Variants in ENTREP2 observed in about 807,000 individuals in gnomAD.
ENTREP2 encodes protein ENTREP2.
the ENTREP2 span, among the ~76,000 whole-genome samples, chr15:29,307,982 G>T: frequency 6.6e-6 from 1 of 152,128 alleles, no homozygotes; most frequent in Non-Finnish European, 1.5e-5. Flanking sequence ...TTTTAGAAGA[G>T]AAACAATATG....
chr15:29,451,683 C>T, the ENTREP2 span, among the ~76,000 whole-genome samples: 1 of 152,152 alleles, frequency 6.6e-6, no homozygotes, highest in African/African-American at 2.4e-5. Flanking sequence ...CTGCAGGCAG[C>T]GAAGCCCCCT....
At chr15:29,487,556 A>C in the ENTREP2 span, among the ~76,000 whole-genome samples, 2 of 152,224 alleles carry the variant, frequency 1.3e-5, no homozygotes, top group Non-Finnish European at 2.9e-5. Context: ...CTAAACAGAG[A>C]CTTCAGAGAC....
the ENTREP2 span, chr15:29,570,715 C>A: frequency 7.6e-6 from 8 of 1,050,540 alleles, no homozygotes; most frequent in Non-Finnish European, 6.9e-6. Flanking sequence ...GGCCGCCGGC[C>A]GGAGGCATCG....
At chr15:29,269,866 G>GGCGGTGCGCCTGC in the ENTREP2 span, 9 of 690,434 alleles carry the variant, frequency 1.3e-5, no homozygotes, top group African/African-American at 3.8e-5. Flanking sequence ...AGGGCGGCTG[G>GGCGGTGCGCCTGC]GCGGTGCGCC....
chr15:29,279,934 C>T, the ENTREP2 span, among the ~76,000 whole-genome samples: 3 of 150,890 alleles, frequency 2.0e-5, no homozygotes, highest in Non-Finnish European at 2.9e-5. Flanking sequence ...TTCTTTTGCT[C>T]GCCTGGAAAA....
chr15:29,668,124 C>T, the ENTREP2 span, among the ~76,000 whole-genome samples: 2 of 152,150 alleles, frequency 1.3e-5, no homozygotes, highest in Non-Finnish European at 2.9e-5. Flanking sequence ...GCCAATCAAT[C>T]GTGGAAGAAA....
the ENTREP2 span, among the ~76,000 whole-genome samples, chr15:29,330,560 C>T: frequency 5.9e-4 from 90 of 152,276 alleles, no homozygotes; most frequent in African/African-American, 1.9e-3. Context: ...CCCTACGTAA[C>T]ACTGACCAGT....
the ENTREP2 span, among the ~76,000 whole-genome samples, chr15:29,242,846 C>T: frequency 6.6e-6 from 1 of 152,306 alleles, no homozygotes; most frequent in Non-Finnish European, 1.5e-5. Context: ...GATGTCCCAC[C>T]GACTCTGGAA....
the ENTREP2 span, among the ~76,000 whole-genome samples, chr15:29,232,097 T>G: frequency 0.35 from 53,723 of 151,508 alleles, 10,329 homozygotes; most frequent in East Asian, 0.6. Context: ...CGCCATGTTG[T>G]CCAGGCTGGT....
chr15:29,203,124 C>T, the ENTREP2 span, among the ~76,000 whole-genome samples: 2 of 152,292 alleles, frequency 1.3e-5, no homozygotes, highest in Admixed American at 1.3e-4. Context: ...GTTCCTAGGC[C>T]GGGCACGGTG....
At chr15:29,210,562 G>A in the ENTREP2 span, among the ~76,000 whole-genome samples, 7 of 152,262 alleles carry the variant, frequency 4.6e-5, no homozygotes, top group East Asian at 9.6e-4. Context: ...TAGGTTGCAC[G>A]CTCCTTATAA....
chr15:29,530,453 A>C, the ENTREP2 span, among the ~76,000 whole-genome samples: 1 of 152,202 alleles, frequency 6.6e-6, no homozygotes, highest in African/African-American at 2.4e-5. Context: ...TTTAACCTCC[A>C]GGAGTTTTCT....
the ENTREP2 span, among the ~76,000 whole-genome samples, chr15:29,549,166 A>G: frequency 6.6e-6 from 1 of 151,986 alleles, no homozygotes; most frequent in Non-Finnish European, 1.5e-5. Flanking sequence ...CTTTTAGACC[A>G]CGTTGCAGCC....
chr15:29,648,111 C>T, the ENTREP2 span, among the ~76,000 whole-genome samples: 20 of 152,136 alleles, frequency 1.3e-4, no homozygotes, highest in Admixed American at 7.2e-4. Flanking sequence ...ATTTACCTTA[C>T]GCCCATTTGG....
chr15:29,166,906 C>T, the ENTREP2 span, among the ~76,000 whole-genome samples: 1 of 152,178 alleles, frequency 6.6e-6, no homozygotes, highest in Non-Finnish European at 1.5e-5. Context: ...CATCGCACTA[C>T]CTGATTTCAA....
the ENTREP2 span, among the ~76,000 whole-genome samples, chr15:29,441,696 A>G: frequency 6.6e-6 from 1 of 152,132 alleles, no homozygotes; most frequent in African/African-American, 2.4e-5. Context: ...ATTTACATGC[A>G]TCATCCCATA....
the ENTREP2 span, among the ~76,000 whole-genome samples, chr15:29,477,551 A>C: frequency 6.6e-6 from 1 of 152,150 alleles, no homozygotes; most frequent in African/African-American, 2.4e-5. Flanking sequence ...TTTTCAAGGA[A>C]TCTTAGGACC....
the ENTREP2 span, among the ~76,000 whole-genome samples, chr15:29,302,254 A>G: frequency 6.6e-6 from 1 of 152,230 alleles, no homozygotes; most frequent in South Asian, 2.1e-4. Context: ...TAAAAAATGC[A>G]TACCAAGATT....
At chr15:29,417,527 A>C in the ENTREP2 span, among the ~76,000 whole-genome samples, 1 of 152,150 alleles carries the variant, frequency 6.6e-6, no homozygotes, top group Non-Finnish European at 1.5e-5. Flanking sequence ...TAGCATTAGG[A>C]GATATATCTA....
Sources: allele counts gnomAD v4.1 joint callset (sites outside exome capture counted in the v4.1 genomes callset), GRCh38; gene constraint gnomAD v4.1.1; transcripts MANE v1.5; gene names NCBI Gene and HGNC (gene_info 2026-07-23, HGNC 2026-07-21).